CLIC5: variants seen among roughly 807,000 people sequenced by gnomAD.
CLIC5 encodes the protein CLIC family member 5.
A neutral mutation model predicts 24.7 loss-of-function variants in CLIC5; 20 were observed. The ratio of observed to expected loss-of-function variants is 0.81; its 90% CI spans 0.57 to 1.18. The LOEUF (loss-of-function observed/expected upper bound fraction) is 1.18, where lower values mean the gene tolerates loss of function less well. CLIC5 is among the 50% of genes most tolerant of loss of function. CLIC5 has a pLI of 0.00. For synonymous variants in CLIC5, 159 were observed against 135.6 expected, an observed-to-expected ratio of 1.17 and a Z score of -1.20; for missense variants, 341 against 326.1, an observed-to-expected ratio of 1.05 and a Z score of -0.35.
chr6:45,944,453 T>G (rs924910939), intron 3 of CLIC5, among the ~76,000 whole-genome samples: 1 of 149,854 alleles, frequency 6.7e-6, no homozygotes, highest in Admixed American at 6.7e-5. Context: ...CTGATCTAAC[T>G]GATGAAAATT....
the CLIC5 span, among the ~76,000 whole-genome samples, chr6:46,101,316 T>C: frequency 6.6e-6 from 1 of 152,226 alleles, no homozygotes; most frequent in African/African-American, 2.4e-5. Flanking sequence ...TGTTTCAAAT[T>C]TGCTACCTAT....
intron 4 of CLIC5, among the ~76,000 whole-genome samples, chr6:45,929,577 C>T (rs1159617269): frequency 3.9e-5 from 6 of 152,202 alleles, no homozygotes; most frequent in Non-Finnish European, 7.3e-5. Flanking sequence ...TGACCAGAGG[C>T]GTTTTTGAAA....
intron 1 of CLIC5, among the ~76,000 whole-genome samples, chr6:45,963,463 C>T (rs1041939725): frequency 1.3e-5 from 2 of 152,112 alleles, no homozygotes; most frequent in Non-Finnish European, 2.9e-5. Flanking sequence ...TATGCACTGG[C>T]CTGCCTGTGG....
intron 4 of CLIC5, among the ~76,000 whole-genome samples, chr6:45,919,349 T>C (rs1171673490): frequency 6.6e-6 from 1 of 152,162 alleles, no homozygotes; most frequent in Non-Finnish European, 1.5e-5. Context: ...GCATTTCTTC[T>C]GTTTGCTTCC....
rs138341556 is a variant in CLIC5 at position 45,985,610 on chromosome 6, T to C, written c.63+29870A>G. The stretch of plus-strand genomic sequence containing the variant: ...CTGGAGGCTGACAGTGGGAATAGCA[T>C]CAAGGGGCTCCCTGCCCTCTGGCTG... On this transcript the variant is annotated intron_variant, in intron 1 of 5. Transcript: ENST00000339561. 2.7e-3 allele frequency among the ~76,000 whole-genome samples: 414 copies of C among 152,080 alleles called. 2 individuals are homozygous for C. The highest frequency in any genetic ancestry group is 9.7e-3 in the African/African-American group (402 of 41,496).
At chr6:45,905,329 C>A (rs992877822) in intron 5 of CLIC5, among the ~76,000 whole-genome samples, 3 of 152,148 alleles carry the variant, frequency 2.0e-5, no homozygotes, top group Non-Finnish European at 4.4e-5. Flanking sequence ...TTTACATTCC[C>A]ATTAACACTG....
At chr6:45,960,156 A>C (rs553717786) in intron 1 of CLIC5, among the ~76,000 whole-genome samples, 45 of 152,192 alleles carry the variant, frequency 3.0e-4, no homozygotes, top group Non-Finnish European at 1.2e-4. Context: ...CATTCCATGA[A>C]CACACCAGAT....
intron 1 of CLIC5, among the ~76,000 whole-genome samples, chr6:45,956,543 C>T (rs1581789390): frequency 6.6e-6 from 1 of 151,558 alleles, no homozygotes; most frequent in Non-Finnish European, 1.5e-5. Flanking sequence ...CTGTTTTCTC[C>T]CTTGAGGTTT....
chr6:46,079,966 C>T, exon 1 of CLIC5: 1 of 1,551,706 alleles, frequency 6.4e-7, no homozygotes, highest in Non-Finnish European at 8.7e-7. Context: ...GGATGAGCCT[C>T]CTGGAGTTCA....
intron 6 of CLIC5, among the ~76,000 whole-genome samples, chr6:45,884,207 A>C (rs959273605): frequency 6.6e-6 from 1 of 152,170 alleles, no homozygotes; most frequent in Admixed American, 6.5e-5. Flanking sequence ...GAAGGCAGCC[A>C]TAGAACTGGG....
At chr6:46,061,177 T>G (rs1212027132) in intron 1 of CLIC5, among the ~76,000 whole-genome samples, 1 of 151,410 alleles carries the variant, frequency 6.6e-6, no homozygotes, top group Non-Finnish European at 1.5e-5. Flanking sequence ...ATTTTTGTTT[T>G]TGTTTTTGTT....
chr6:46,089,484 C>T, the CLIC5 span, among the ~76,000 whole-genome samples: 79 of 152,180 alleles, frequency 5.2e-4, 2 homozygotes, highest in South Asian at 0.013. Context: ...TCCATGAACT[C>T]TCAGAAATGT....
At chr6:45,919,082 AAAC>A (rs541926724) in intron 4 of CLIC5, 20 of 985,318 alleles carry the variant, frequency 2.0e-5, no homozygotes, top group East Asian at 2.3e-4. Flanking sequence ...GGTGGTGGAA[AAAC>A]AACAACAACT....
chr6:46,012,248 G>A (rs1306019448), intron 1 of CLIC5, among the ~76,000 whole-genome samples: 1 of 152,094 alleles, frequency 6.6e-6, no homozygotes, highest in African/African-American at 2.4e-5. Flanking sequence ...GGGCCAGTGA[G>A]GCTCCTGAAA....
chr6:46,045,303 G>C (rs1047400752), intron 1 of CLIC5, among the ~76,000 whole-genome samples: 3 of 151,902 alleles, frequency 2.0e-5, no homozygotes, highest in Admixed American at 1.3e-4. Flanking sequence ...TTTACCACCT[G>C]GTACAACATA....
chr6:46,022,665 A>G (rs1398955103), intron 1 of CLIC5, among the ~76,000 whole-genome samples: 1 of 152,186 alleles, frequency 6.6e-6, no homozygotes, highest in Non-Finnish European at 1.5e-5. Context: ...CAGTCTGTCT[A>G]TTGGTGCTTA....
intron 5 of CLIC5, chr6:45,913,649 G>T: frequency 1.9e-6 from 1 of 532,292 alleles, no homozygotes; most frequent in Non-Finnish European, 2.9e-6. Context: ...CCCAGGGTTT[G>T]TTATATAGGA....
At chr6:46,128,292 T>C in the CLIC5 span, among the ~76,000 whole-genome samples, 4 of 152,306 alleles carry the variant, frequency 2.6e-5, no homozygotes, top group East Asian at 7.7e-4. Context: ...CTGATGCCCA[T>C]CCAGCTGCTA....
intron 1 of CLIC5, chr6:46,014,690 C>T (rs1350845904): frequency 2.0e-5 from 3 of 152,252 alleles, no homozygotes; most frequent in Non-Finnish European, 4.4e-5. Context: ...GAAACGCCGC[C>T]GCAGCCTCGC....
Sources: gnomAD v4.1 joint callset for allele counts (sites outside exome capture counted in the v4.1 genomes callset) on GRCh38, gnomAD v4.1.1 for gene constraint, MANE v1.5 for transcripts, NCBI Gene and HGNC (gene_info 2026-07-23, HGNC 2026-07-21) for gene names.